Variants in IGSF21 observed in about 807,000 individuals in gnomAD.
The protein encoded by IGSF21 is immunoglobulin superfamily member 21.
In IGSF21, 28 loss-of-function variants were observed where a neutral mutation model predicts 46.8. The ratio of observed to expected loss-of-function variants is 0.60; its 90% CI spans 0.44 to 0.82. The LOEUF (loss-of-function observed/expected upper bound fraction) is 0.82, where lower values mean the gene tolerates loss of function less well. Ranked by LOEUF, IGSF21 falls within the 40% of genes least tolerant of loss-of-function variation. The pLI is 0.00. For synonymous variants in IGSF21, 284 were observed against 273.6 expected (o/e 1.04, Z -0.38); for missense variants, 624 against 665.5 (o/e 0.94, Z 0.69).
chr1:18,290,639 G>A lies in IGSF21; in HGVS notation c.184-1227G>A, dbSNP rs2085256267. ...ACCAGTAGCAACACCACCTAGGTCA[G>A]AGAGATGTGGTCCAAGTCAGCTTGG... On this transcript the variant is annotated intron_variant, in intron 2 of 9. Coordinates refer to ENST00000251296, the MANE Select transcript of IGSF21 (RefSeq NM_032880.5). This position sits in a 1 kb window ranked among gnomAD's most constrained non-coding sequence, Gnocchi z 4.2. Among the ~76,000 whole-genome samples, 1 of 152,208 alleles carries A rather than the reference G, an allele frequency of 6.6e-6. No individual in the cohort carries two copies. Among genetic ancestry groups the A allele is most frequent in the Non-Finnish European group, 1.5e-5 (1 of 68,024 alleles).
At chr1:18,266,705 T>C (rs1438922974) in intron 2 of IGSF21, among the ~76,000 whole-genome samples, 3 of 152,208 alleles carry the variant, frequency 2.0e-5, no homozygotes, top group Non-Finnish European at 4.4e-5. Flanking sequence ...CCAGCCCAGG[T>C]CCAAGGAGCA....
intron 6 of IGSF21, among the ~76,000 whole-genome samples, chr1:18,370,910 A>T (rs1422507854): frequency 6.6e-6 from 1 of 152,246 alleles, no homozygotes; most frequent in Non-Finnish European, 1.5e-5. Context: ...CTAAAATTTT[A>T]AAAACTGACA....
chr1:18,342,870 C>T (rs1446077701), intron 4 of IGSF21, among the ~76,000 whole-genome samples: 4 of 152,144 alleles, frequency 2.6e-5, no homozygotes, highest in Admixed American at 1.3e-4. Context: ...CACTTTTTGG[C>T]TATTATGAAC....
At chr1:18,182,018 A>T (rs4920449) in intron 1 of IGSF21, among the ~76,000 whole-genome samples, 132,995 of 152,154 alleles carry the variant, frequency 0.87, 58,698 homozygotes, top group South Asian at 0.95. Flanking sequence ...ACTCTGGGTG[A>T]CTGCCCTATG....
intron 1 of IGSF21, among the ~76,000 whole-genome samples, chr1:18,223,095 G>T (rs2084527424): frequency 6.6e-6 from 1 of 152,200 alleles, no homozygotes. Context: ...GGATAAGAAG[G>T]GTGGAGCCCA....
chr1:18,338,775 A>T (rs1195621576), intron 4 of IGSF21, among the ~76,000 whole-genome samples: 1 of 152,112 alleles, frequency 6.6e-6, no homozygotes, highest in African/African-American at 2.4e-5. Context: ...ACGGTCATTA[A>T]AATGTTTTTA....
chr1:18,193,330 C>T (rs752031536), intron 1 of IGSF21, among the ~76,000 whole-genome samples: 3 of 152,066 alleles, frequency 2.0e-5, no homozygotes, highest in Non-Finnish European at 1.5e-5. Flanking sequence ...GAATCTAGTC[C>T]AAGGGAGACG....
At chr1:18,191,025 TC>T (rs35482481) in intron 1 of IGSF21, among the ~76,000 whole-genome samples, 1,826 of 152,238 alleles carry the variant, frequency 0.012, 9 homozygotes, top group African/African-American at 0.021. Flanking sequence ...CTTCTTCTCT[TC>T]CCTGCAGGGA....
chr1:18,162,353 G>A (rs2086634899), intron 1 of IGSF21, among the ~76,000 whole-genome samples: 1 of 152,070 alleles, frequency 6.6e-6, no homozygotes, highest in Non-Finnish European at 1.5e-5. Flanking sequence ...GGCCCAATTT[G>A]CCATTTTTCT....
At chr1:18,279,871 C>T (rs888525009) in intron 2 of IGSF21, among the ~76,000 whole-genome samples, 6 of 152,234 alleles carry the variant, frequency 3.9e-5, no homozygotes, top group Non-Finnish European at 8.8e-5. Flanking sequence ...TGATCTGCCA[C>T]GGGTCTGCCG....
intron 1 of IGSF21, among the ~76,000 whole-genome samples, chr1:18,223,887 C>T (rs943196803): frequency 9.2e-5 from 14 of 152,166 alleles, no homozygotes; most frequent in East Asian, 1.9e-4. Context: ...CAGCTTCCTG[C>T]GGGGATGAGA....
intron 3 of IGSF21, among the ~76,000 whole-genome samples, chr1:18,301,381 C>T (rs540521694): frequency 6.6e-6 from 1 of 152,174 alleles, no homozygotes; most frequent in Non-Finnish European, 1.5e-5. Context: ...GCTCTGTCGC[C>T]CAGGCTGGAG....
intron 1 of IGSF21, among the ~76,000 whole-genome samples, chr1:18,153,099 C>T (rs1337537277): frequency 3.3e-5 from 5 of 152,172 alleles, no homozygotes; most frequent in African/African-American, 1.2e-4. Context: ...CCCAAGGGCA[C>T]TCAGATTCTG....
intron 3 of IGSF21, among the ~76,000 whole-genome samples, chr1:18,332,119 C>T (rs1186166736): frequency 1.3e-5 from 2 of 152,248 alleles, no homozygotes; most frequent in Non-Finnish European, 2.9e-5. Context: ...AAGCATATTG[C>T]TTACGTTACT....
At chr1:18,249,044 A>G (rs1231618852) in intron 2 of IGSF21, among the ~76,000 whole-genome samples, 1 of 152,152 alleles carries the variant, frequency 6.6e-6, no homozygotes, top group African/African-American at 2.4e-5. Context: ...CCCCCGCCCA[A>G]ATTAAACTGG....
intron 2 of IGSF21, among the ~76,000 whole-genome samples, chr1:18,261,666 T>C (rs1451730392): frequency 6.6e-6 from 1 of 152,232 alleles, no homozygotes; most frequent in Non-Finnish European, 1.5e-5. Context: ...GTCTTGGCCC[T>C]CTGGGCCAGA....
At position 18,365,679 on chromosome 1, in the gene IGSF21, C is replaced by G. The variant is rs151148706; in HGVS notation, c.997C>G (p.Gln333Glu). 320 of 1,612,614 alleles carry G rather than the reference C, an allele frequency of 2.0e-4. No homozygotes were observed. The highest frequency in any genetic ancestry group is 2.6e-4 in the Non-Finnish European group (310 of 1,179,052). ...GCACCCAGCTCTGTCGATGCCCATGCAGGCAGAGGTCACGCTGGGTAAGAC... is the reference window on the plus strand; with the variant it reads ...GCACCCAGCTCTGTCGATGCCCATGGAGGCAGAGGTCACGCTGGGTAAGAC... ...VKHPALSMPM[Q>E]AEVTLVAPKG... Residue 333 changes from glutamine (Q) to glutamate (E), a missense_variant, in exon 6 of 10, where the codon CAG becomes GAG. Gln to Glu is a conservative substitution (Grantham distance 29, BLOSUM62 2). Coordinates refer to ENST00000251296, the MANE Select transcript of IGSF21 (RefSeq NM_032880.5). This position sits in a 1 kb window ranked among gnomAD's most constrained non-coding sequence, Gnocchi z 4.8.
intron 3 of IGSF21, among the ~76,000 whole-genome samples, chr1:18,333,685 A>C (rs1177329114): frequency 6.6e-6 from 1 of 152,164 alleles, no homozygotes. Context: ...TTCAATATAG[A>C]AGGGAGGAAA....
intron 6 of IGSF21, among the ~76,000 whole-genome samples, chr1:18,373,450 C>G (rs1479819719): frequency 6.6e-6 from 1 of 152,166 alleles, no homozygotes; most frequent in Non-Finnish European, 1.5e-5. Flanking sequence ...AGGAGGCTGA[C>G]AGCAGCAGGC....
Sources: gnomAD v4.1 joint callset for allele counts (sites outside exome capture counted in the v4.1 genomes callset) on GRCh38, gnomAD v4.1.1 for gene constraint, Gnocchi (gnomAD v3.1) non-coding constraint, MANE v1.5 for transcripts, NCBI Gene and HGNC (gene_info 2026-07-23, HGNC 2026-07-21) for gene names.